Variants in TXLNB observed in about 807,000 individuals in gnomAD.
TXLNB encodes taxilin beta, also known as beta-taxilin.
A neutral mutation model predicts 57.4 loss-of-function variants in TXLNB; 37 were observed. That is an observed-to-expected ratio of 0.64 (90% CI 0.50 to 0.85). TXLNB has a LOEUF of 0.85. Among genes scored for constraint, TXLNB ranks in the 40% least tolerant of loss-of-function variants. The probability of loss-of-function intolerance (pLI) is 0.00; values close to 1 mark genes in which losing one functional copy is unlikely to be tolerated. For missense variants in TXLNB, 848 were observed against 825.6 expected (o/e 1.03, Z -0.33); for synonymous variants, 302 against 309.6 (o/e 0.98, Z 0.26).
At chr6:139,206,529 G>A in the TXLNB span, among the ~76,000 whole-genome samples, 1 of 152,114 alleles carries the variant, frequency 6.6e-6, no homozygotes, top group Non-Finnish European at 1.5e-5. Flanking sequence ...TTAGCCAGGC[G>A]TGGTGGCATG....
At chr6:139,166,722 A>G in the TXLNB span, 1 of 1,611,702 alleles carries the variant, frequency 6.2e-7, no homozygotes, top group East Asian at 2.2e-5. Flanking sequence ...GGCCCAAGCC[A>G]CGACCTCCCC....
the TXLNB span, among the ~76,000 whole-genome samples, chr6:139,173,748 A>AGG: frequency 2.0e-5 from 3 of 152,184 alleles, no homozygotes; most frequent in African/African-American, 7.2e-5. Context: ...CAAATAATGG[A>AGG]GGGGGATCAT....
chr6:139,282,315 G>A lies in TXLNB; in HGVS notation c.425-5394C>T, dbSNP rs541068622. On this transcript the variant is annotated intron_variant, in intron 2 of 9. Transcript: ENST00000358430. ...CTAGGGGCCGGGCGCGGTGGCTCAC[G>A]TCTGCAATCCCAGCACTTTGGGAGG... 2.1e-4 allele frequency among the ~76,000 whole-genome samples: 31 copies of A among 146,564 alleles called. 1 individual carries two copies. Among genetic ancestry groups the A allele is most frequent in the Non-Finnish European group, 4.4e-4 (29 of 65,670 alleles).
In TXLNB at chr6:139,241,170, A is replaced by T. The variant is rs191420619; in HGVS notation, c.*1356T>A. On this transcript the variant is annotated 3_prime_UTR_variant, in exon 10 of 10. Transcript: ENST00000358430. ...TTTGCCTTCTCCTGAATCCTCACCT[A>T]TATTTCAAATCATTTTGGTTAAAAT... The T allele has an allele frequency of 6.6e-6, 1 of 152,132 alleles. No homozygotes were observed. Among genetic ancestry groups the T allele is most frequent in the African/African-American group, 2.4e-5 (1 of 41,424 alleles). 9.4% of individuals were successfully genotyped at this position (152,132 alleles called of 1,614,324 possible). A position where few individuals can be genotyped will look rare whatever the true frequency, so the allele number is the denominator to read the frequency against.
the TXLNB span, among the ~76,000 whole-genome samples, chr6:139,196,697 A>T: frequency 6.6e-6 from 1 of 152,120 alleles, no homozygotes; most frequent in Admixed American, 6.5e-5. Flanking sequence ...AACCTTAATA[A>T]ATATATAGAA....
intron 9 of TXLNB, among the ~76,000 whole-genome samples, chr6:139,243,602 T>C (rs1776005080): frequency 6.6e-6 from 1 of 151,370 alleles, no homozygotes; most frequent in Non-Finnish European, 1.5e-5. Flanking sequence ...CTTTGGTCCA[T>C]AGCCTCTCAA....
the TXLNB span, among the ~76,000 whole-genome samples, chr6:139,305,930 A>C: frequency 6.6e-6 from 1 of 152,204 alleles, no homozygotes; most frequent in East Asian, 1.9e-4. Context: ...TAAGTATAGA[A>C]CAATTTAAAG....
At chr6:139,196,712 T>C in the TXLNB span, among the ~76,000 whole-genome samples, 1 of 152,178 alleles carries the variant, frequency 6.6e-6, no homozygotes, top group Non-Finnish European at 1.5e-5. Flanking sequence ...ATAGAACTTA[T>C]AGGAAATATT....
chr6:139,282,226 G>T lies in TXLNB; in HGVS notation c.425-5305C>A, dbSNP rs575810969. On this transcript the variant is annotated intron_variant, in intron 2 of 9. Transcript: ENST00000358430. ...GTTTATTACTCTCTCAGAGAAACTA[G>T]AAATCAAGCTAAAACAGATGAAACA... Among the ~76,000 whole-genome samples, 169 of 149,802 alleles carry T rather than the reference G, an allele frequency of 1.1e-3. 2 individuals are homozygous for T. The highest frequency in any genetic ancestry group is 2.0e-3 in the Non-Finnish European group (133 of 67,180).
chr6:139,217,864 C>CAAA, the TXLNB span, among the ~76,000 whole-genome samples: 14 of 51,862 alleles, frequency 2.7e-4, no homozygotes, highest in African/African-American at 5.4e-4. Context: ...GCAAGAGTCT[C>CAAA]AAAAAAAAAA....
At chr6:139,196,666 C>T in the TXLNB span, among the ~76,000 whole-genome samples, 1 of 152,094 alleles carries the variant, frequency 6.6e-6, no homozygotes, top group African/African-American at 2.4e-5. Context: ...TGAGCCACTA[C>T]ACCCGGCCCA....
At chr6:139,234,851 C>T in the TXLNB span, among the ~76,000 whole-genome samples, 6,022 of 152,244 alleles carry the variant, frequency 0.04, 145 homozygotes, top group East Asian at 0.089. Context: ...GCACCATGTG[C>T]GTGGAAAAGC....
chr6:139,249,406 A>C (rs569022124), intron 7 of TXLNB, among the ~76,000 whole-genome samples: 1 of 152,298 alleles, frequency 6.6e-6, no homozygotes, highest in African/African-American at 2.4e-5. Flanking sequence ...TGGGTATAAC[A>C]TTTTCATACA....
At chr6:139,254,705 C>T (rs1043530168) in intron 7 of TXLNB, among the ~76,000 whole-genome samples, 5 of 152,184 alleles carry the variant, frequency 3.3e-5, no homozygotes, top group Admixed American at 6.5e-5. Context: ...AAAGTTGTCA[C>T]GCAGCCAAAC....
the TXLNB span, among the ~76,000 whole-genome samples, chr6:139,189,415 G>GT: frequency 1.3e-5 from 2 of 152,180 alleles, no homozygotes; most frequent in East Asian, 1.9e-4. Flanking sequence ...TCAAATTAGT[G>GT]TTTTTTATTA....
At chr6:139,251,051 C>A (rs113136889) in intron 7 of TXLNB, among the ~76,000 whole-genome samples, 5 of 152,164 alleles carry the variant, frequency 3.3e-5, no homozygotes, top group African/African-American at 9.7e-5. Context: ...TTTCTTGTTG[C>A]TGGCTCATGA....
chr6:139,286,802 A>G (rs1052379177), intron 2 of TXLNB: 2 of 176,142 alleles, frequency 1.1e-5, no homozygotes, highest in East Asian at 3.3e-4. Context: ...CCCTGTGAGA[A>G]TCTAATGCCT....
At chr6:139,214,405 A>C in the TXLNB span, among the ~76,000 whole-genome samples, 1 of 152,252 alleles carries the variant, frequency 6.6e-6, no homozygotes. Flanking sequence ...AGATGCAGAA[A>C]AGGCCTTTGA....
the TXLNB span, among the ~76,000 whole-genome samples, chr6:139,168,065 C>A: frequency 6.6e-6 from 1 of 152,104 alleles, no homozygotes; most frequent in Non-Finnish European, 1.5e-5. Flanking sequence ...TGATATATCC[C>A]CACCTGTCTC....
Sources: allele counts gnomAD v4.1 joint callset (sites outside exome capture counted in the v4.1 genomes callset), GRCh38; gene constraint gnomAD v4.1.1; transcripts MANE v1.5; gene names NCBI Gene and HGNC (gene_info 2026-07-23, HGNC 2026-07-21).